Variants in DICER1 observed in about 807,000 individuals in gnomAD.
DICER1 encodes the protein endoribonuclease Dicer.
DICER1 carries 43 observed loss-of-function variants against 194.1 expected under a neutral mutation model. That is an observed-to-expected ratio of 0.22 (90% CI 0.17 to 0.29). The LOEUF (loss-of-function observed/expected upper bound fraction) is 0.29. Among genes scored for constraint, DICER1 ranks in the 10% least tolerant of loss-of-function variants. The pLI is 1.00. For missense variants in DICER1, 1,608 were observed against 2,317.0 expected (o/e 0.69, Z 6.28); for synonymous variants, 832 against 820.5 (o/e 1.01, Z -0.24).
In DICER1 at chr14:95,099,827, C is replaced by T; in HGVS notation, c.4159G>A (p.Val1387Ile). 6.2e-7 allele frequency: 1 copy of T among 1,613,066 alleles called. No homozygotes were observed. The highest frequency in any genetic ancestry group is 8.5e-7 in the Non-Finnish European group (1 of 1,179,666). ...TCTGTGTTGCTTTTGTCTTGATTTACTACATAACCAGGAGGAAGCCAATTC... is the reference window on the plus strand; with the variant it reads ...TCTGTGTTGCTTTTGTCTTGATTTATTACATAACCAGGAGGAAGCCAATTC... ...PVNWLPPGYV[V>I]NQDKSNTDKW... The change falls in exon 22 of 27, where the codon GTA becomes ATA. Residue 1387 changes from valine to isoleucine, a missense_variant. By Grantham distance (29) the Val-to-Ile change is conservative (BLOSUM62 3). Transcript: ENST00000343455.
chr14:95,115,211 G>A (rs566062135), intron 11 of DICER1, among the ~76,000 whole-genome samples: 1 of 152,132 alleles, frequency 6.6e-6, no homozygotes, highest in Non-Finnish European at 1.5e-5. Flanking sequence ...ATATAATCCA[G>A]GAATGCATTT....
In DICER1 at chr14:95,132,533, C is replaced by A. The variant is rs1566815070; in HGVS notation, c.289G>T (p.Val97Leu). Residue 97 changes from valine (V) to leucine (L), a missense_variant, in exon 3 of 27, where the codon GTG (valine) becomes TTG (leucine). Val to Leu is a conservative substitution (Grantham distance 32). Transcript: ENST00000343455. ...GDFSRNGKRTVFLVNSANQVA... is the reference protein window; with the variant it reads ...GDFSRNGKRTLFLVNSANQVA... Reference sequence around the variant, plus strand: ...TTATTACCAGAGTTGACCAAGAACACCGTCCTTTTTCCATTTCTGCTGAAG... The same window carrying A: ...TTATTACCAGAGTTGACCAAGAACAACGTCCTTTTTCCATTTCTGCTGAAG... 13 of 1,613,888 alleles carry A rather than the reference C, an allele frequency of 8.1e-6. No individual in the cohort carries two copies. Among genetic ancestry groups the A allele is most frequent in the Non-Finnish European group, 1.1e-5 (13 of 1,179,968 alleles).
chr14:95,094,117 A>T lies in DICER1; in HGVS notation c.5135T>A (p.Leu1712Ter). Residue 1712 changes from leucine to a stop codon, truncating the protein, a stop_gained, in exon 24 of 27, where the codon TTG (leucine) becomes TAG (stop). Transcript: ENST00000343455. LOFTEE classifies it high-confidence loss of function. Reference sequence around the variant, plus strand: ...AAGGTGCTTGGTTATGAGGTAGTCCAAAATCGCATCTCCCAGGAATTCTAA... The same window carrying T: ...AAGGTGCTTGGTTATGAGGTAGTCCTAAATCGCATCTCCCAGGAATTCTAA... ...QRLEFLGDAI[L>*]DYLITKHLYE... 6.2e-7 allele frequency: 1 copy of T among 1,614,166 alleles called. No homozygotes were observed. The highest frequency in any genetic ancestry group is 8.5e-7 in the Non-Finnish European group (1 of 1,180,022).
intron 7 of DICER1, among the ~76,000 whole-genome samples, chr14:95,125,013 A>T (rs1893285834): frequency 6.6e-6 from 1 of 152,228 alleles, no homozygotes; most frequent in Non-Finnish European, 1.5e-5. Flanking sequence ...GTAGCACAGT[A>T]ATTTAACTTT....
Position 95,108,468 on chromosome 14 carries a change from A to G in DICER1, c.2292T>C (p.Pro764=), listed in dbSNP as rs1321786215. ...PECLRDSYPR[P]DQPCYLYVIG... is the part of the protein sequence containing the mutation. Reference sequence around the variant, plus strand: ...TCACATACAGGTAACAGGGCTGATCAGGTCTGGGATAACTATCCCTCAAAC... The same window carrying G: ...TCACATACAGGTAACAGGGCTGATCGGGTCTGGGATAACTATCCCTCAAAC... The change falls in exon 15 of 27, where the codon CCT becomes CCC. Residue 764 remains proline, a synonymous_variant. Transcript: ENST00000343455. The G allele has an allele frequency of 1.2e-6, 2 of 1,614,198 alleles. No homozygotes were observed.
Position 95,094,194 on chromosome 14 carries a change from A to C in DICER1, c.5096-38T>G, listed in dbSNP as rs775463363. 24 of 1,612,418 alleles carry C rather than the reference A, an allele frequency of 1.5e-5. No homozygotes were observed. The Admixed American group carries it at 2.8e-4, about 19-fold the overall frequency. ...GAAGTGGAACCGTAAGCTTGTGCAGAAGCATTTACACTATCCCCACATAGC... is the reference window on the plus strand; with the variant it reads ...GAAGTGGAACCGTAAGCTTGTGCAGCAGCATTTACACTATCCCCACATAGC... On this transcript the variant is annotated intron_variant, in intron 23 of 26. Coordinates refer to ENST00000343455, the MANE Select transcript of DICER1 (RefSeq NM_177438.3).
chr14:95,151,758 G>A (rs1037446208), intron 1 of DICER1, among the ~76,000 whole-genome samples: 1 of 152,182 alleles, frequency 6.6e-6, no homozygotes, highest in Non-Finnish European at 1.5e-5. Flanking sequence ...TGATGGCTGG[G>A]CAGCAGGATG....
intron 10 of DICER1, 51 bp downstream of exon 10, chr14:95,116,401 AC>A: frequency 6.3e-7 from 1 of 1,591,662 alleles, no homozygotes; most frequent in Non-Finnish European, 8.5e-7. Context: ...CAAAGAAGCC[AC>A]ATTAATTTTT....
chr14:95,100,601 C>T (rs1031711894), intron 21 of DICER1, among the ~76,000 whole-genome samples: 1 of 152,250 alleles, frequency 6.6e-6, no homozygotes, highest in Non-Finnish European at 1.5e-5. Context: ...CTACTCCGGT[C>T]TGTTTTTCCT....
chr14:95,152,330 C>G (rs1348112590), intron 1 of DICER1, among the ~76,000 whole-genome samples: 3 of 152,194 alleles, frequency 2.0e-5, no homozygotes, highest in Non-Finnish European at 2.9e-5. Context: ...TGTCCAAAAG[C>G]AGAATAGTAA....
At position 95,131,791 on chromosome 14, in the gene DICER1, C is replaced by T. The variant is rs1893974941; in HGVS notation, c.308-152G>A. Reference sequence around the variant, plus strand: ...GATAGCCTCTTTAAAACCACAGTTCCAAGGTTATCCTCCAAAAAAATGGCA... The same window carrying T: ...GATAGCCTCTTTAAAACCACAGTTCTAAGGTTATCCTCCAAAAAAATGGCA... On this transcript the variant is annotated intron_variant, in intron 3 of 26. Transcript: ENST00000343455. The T allele has an allele frequency of 7.7e-6, 6 of 774,938 alleles. No individual in the cohort carries two copies. The Admixed American group carries it at 1.3e-4, about 17-fold the overall frequency. The allele number at this position is 774,938 out of a possible 1,614,324, so 48.0% of individuals were successfully genotyped here.
At chr14:95,148,249 C>CAG (rs1895272323) in intron 1 of DICER1, among the ~76,000 whole-genome samples, 1 of 152,122 alleles carries the variant, frequency 6.6e-6, no homozygotes, top group Non-Finnish European at 1.5e-5. Flanking sequence ...GATTAACCTT[C>CAG]AGCCCCTCTT....
At position 95,086,945 on chromosome 14, in the gene DICER1, CTT is replaced by C. The variant is rs1180026083; in HGVS notation, c.*3551_*3552del. ...AGATAATGCAAATGGGTTAAAGACT[CTT>C]AACATAATTTCAGATGCAGTTAAAA... On this transcript the variant is annotated 3_prime_UTR_variant, in exon 27 of 27. Transcript: ENST00000343455. The C allele has an allele frequency of 3.9e-5, 9 of 232,874 alleles. No individual in the cohort carries two copies. Among genetic ancestry groups the C allele is most frequent in the African/African-American group, 1.3e-4 (6 of 45,330 alleles). The allele number at this position is 232,874 out of a possible 1,614,324, so 14.4% of individuals were successfully genotyped here. A position where few individuals can be genotyped will look rare whatever the true frequency, so the allele number is the denominator to read the frequency against.
chr14:95,095,788 T>C, intron 23 of DICER1, 37 bp downstream of exon 23: 2 of 1,610,060 alleles, frequency 1.2e-6, no homozygotes, highest in East Asian at 2.2e-5. Context: ...CAAAGTCTCA[T>C]TTTCCCAGAA....
At position 95,156,146 on chromosome 14, in the gene DICER1, C is replaced by T. The variant is rs142817915; in HGVS notation, c.-46+1084G>A. On this transcript the variant is annotated intron_variant, in intron 1 of 26. Transcript: ENST00000343455. ...CAATATAGCTAACCTGTTTTAACAG[C>T]ACATTTTTAACAATATTTTCCGAGT... 1.8e-3 allele frequency among the ~76,000 whole-genome samples: 274 copies of T among 152,298 alleles called. 1 individual carries two copies. The highest frequency in any genetic ancestry group is 6.3e-3 in the African/African-American group (263 of 41,566).
chr14:95,150,757 T>C (rs1281835161), intron 1 of DICER1, among the ~76,000 whole-genome samples: 1 of 152,256 alleles, frequency 6.6e-6, no homozygotes, highest in Non-Finnish European at 1.5e-5. Flanking sequence ...ACCAGATAGA[T>C]ACCCCTTTAA....
chr14:95,093,260 C>T lies in DICER1; in HGVS notation c.5364+628G>A, dbSNP rs138037774. Among the ~76,000 whole-genome samples the T allele has an allele frequency of 6.8e-4, 104 of 152,274 alleles. No individual in the cohort carries two copies. In the East Asian group the frequency reaches 0.018, roughly 26 times the overall value. On this transcript the variant is annotated intron_variant, in intron 24 of 26. Coordinates refer to ENST00000343455, the MANE Select transcript of DICER1 (RefSeq NM_177438.3). Reference sequence around the variant, plus strand: ...AGTCTCTCTGGGGGACACAGGTATGCAGATGAATGTTAAGAGACTGGAAAG... The same window carrying T: ...AGTCTCTCTGGGGGACACAGGTATGTAGATGAATGTTAAGAGACTGGAAAG...
intron 1 of DICER1, among the ~76,000 whole-genome samples, chr14:95,147,396 G>A (rs1033959312): frequency 1.3e-5 from 2 of 152,134 alleles, no homozygotes; most frequent in Non-Finnish European, 2.9e-5. Context: ...AGCCTGGGGG[G>A]CTGCAGTGAG....
chr14:95,127,123 G>A (rs1893544235), intron 6 of DICER1, among the ~76,000 whole-genome samples: 1 of 152,134 alleles, frequency 6.6e-6, no homozygotes, highest in Admixed American at 6.5e-5. Flanking sequence ...GGAAATGAAG[G>A]TTCAAAGACA....
Sources: gnomAD v4.1 joint callset for allele counts (sites outside exome capture counted in the v4.1 genomes callset) on GRCh38, gnomAD v4.1.1 for gene constraint, MANE v1.5 for transcripts, NCBI Gene and HGNC (gene_info 2026-07-23, HGNC 2026-07-21) for gene names.